Variants in PROM1 observed in about 807,000 individuals in gnomAD.
PROM1 encodes prominin 1.
PROM1 carries 105 observed loss-of-function variants against 116.9 expected under a neutral mutation model. The observed-to-expected ratio is 0.90, with a 90% CI of 0.77 to 1.06. The LOEUF (loss-of-function observed/expected upper bound fraction) is 1.06. Ranked by LOEUF, PROM1 falls within the 50% of genes least tolerant of loss-of-function variation. The probability of loss-of-function intolerance (pLI) is 0.00; values close to 1 mark genes in which losing one functional copy is unlikely to be tolerated. For synonymous variants in PROM1, 393 were observed against 387.0 expected (o/e 1.02, Z -0.18); for missense variants, 1,122 against 1,045.2 (o/e 1.07, Z -1.01).
At chr4:16,016,564 T>C (rs1217098301) in intron 9 of PROM1, among the ~76,000 whole-genome samples, 1 of 152,194 alleles carries the variant, frequency 6.6e-6, no homozygotes, top group Non-Finnish European at 1.5e-5. Context: ...ACAACCTTTT[T>C]AAAGTCACTT....
intron 5 of PROM1, among the ~76,000 whole-genome samples, chr4:16,025,533 G>A (rs1731040710): frequency 6.6e-6 from 1 of 152,216 alleles, no homozygotes; most frequent in Non-Finnish European, 1.5e-5. Flanking sequence ...CTCAGAGGAG[G>A]CAAATTTCCA....
At chr4:16,041,222 T>G (rs1354434357) in intron 2 of PROM1, among the ~76,000 whole-genome samples, 1 of 152,240 alleles carries the variant, frequency 6.6e-6, no homozygotes, top group Non-Finnish European at 1.5e-5. Flanking sequence ...TGATACTCAT[T>G]ATATTCTTTG....
chr4:16,003,240 T>A, intron 13 of PROM1: 5 of 455,706 alleles, frequency 1.1e-5, no homozygotes, highest in Non-Finnish European at 2.2e-5. Context: ...TGGCCACTCT[T>A]CTACAGCTGG....
intron 2 of PROM1, among the ~76,000 whole-genome samples, chr4:16,065,612 G>T (rs1741347192): frequency 6.6e-6 from 1 of 152,200 alleles, no homozygotes; most frequent in African/African-American, 2.4e-5. Flanking sequence ...GTCAGGCTTG[G>T]TGCCCAGTAG....
At chr4:16,033,237 CATAA>C in intron 5 of PROM1, 63 bp downstream of exon 5, 1 of 1,370,644 alleles carries the variant, frequency 7.3e-7, no homozygotes, top group Non-Finnish European at 1.0e-6. Context: ...ATGGTTTAAC[CATAA>C]AAATGTGAGA....
rs1231195879 is a variant in PROM1 at position 16,009,070 on chromosome 4, C to T, written c.1180G>A (p.Asp394Asn). Residue 394 changes from aspartate (D) to asparagine (N), a missense_variant, in exon 12 of 28, where the codon GAC (aspartate) becomes AAC (asparagine). Asp to Asn is a conservative substitution (Grantham distance 23). Coordinates refer to ENST00000447510, the MANE Select transcript of PROM1 (RefSeq NM_006017.3). Reference sequence around the variant, plus strand: ...ATAGGAAGACGCTGAGTTACATTGTCGATATCTGAACCAATGGAATTCAAG... The same window carrying T: ...ATAGGAAGACGCTGAGTTACATTGTTGATATCTGAACCAATGGAATTCAAG... ...RVLNSIGSDI[D>N]NVTQRLPIQD... 7 of 1,612,082 alleles carry T rather than the reference C, an allele frequency of 4.3e-6. No homozygotes were observed. The highest frequency in any genetic ancestry group is 2.2e-5 in the East Asian group (1 of 44,874).
At chr4:15,983,450 A>G (rs576578272) in intron 23 of PROM1, among the ~76,000 whole-genome samples, 1 of 152,274 alleles carries the variant, frequency 6.6e-6, no homozygotes, top group South Asian at 2.1e-4. Context: ...GTTCTCCACC[A>G]TTGTGTTACC....
intron 19 of PROM1, 148 bp downstream of exon 19, chr4:15,989,584 C>T (rs1389588725): frequency 7.1e-6 from 5 of 708,960 alleles, no homozygotes. Context: ...ATTATTTTGT[C>T]TAAAGGCCAG....
chr4:16,008,720 G>A (rs1726126365), intron 12 of PROM1, among the ~76,000 whole-genome samples: 1 of 152,190 alleles, frequency 6.6e-6, no homozygotes, highest in Non-Finnish European at 1.5e-5. Flanking sequence ...TCTGTACACA[G>A]GAGTCATGCG....
intron 1 of PROM1, chr4:16,079,296 A>G (rs1055949989): frequency 6.6e-6 from 1 of 152,244 alleles, no homozygotes; most frequent in Admixed American, 6.5e-5. Context: ...GGAAATTCCC[A>G]GTGAAGTGAA....
At chr4:15,973,735 T>C (rs73801554) in intron 26 of PROM1, among the ~76,000 whole-genome samples, 7,054 of 152,236 alleles carry the variant, frequency 0.046, 464 homozygotes, top group African/African-American at 0.15. Flanking sequence ...TCTGTGGTCT[T>C]TCCACCCGTT....
At chr4:16,073,881 T>TA (rs890452270) in intron 2 of PROM1, among the ~76,000 whole-genome samples, 40 of 148,252 alleles carry the variant, frequency 2.7e-4, no homozygotes, top group Admixed American at 5.4e-4. Flanking sequence ...TTTTCCTTAT[T>TA]AAAAAAAAAA....
intron 26 of PROM1, among the ~76,000 whole-genome samples, chr4:15,975,688 T>C (rs1165183586): frequency 6.6e-6 from 1 of 152,212 alleles, no homozygotes; most frequent in Non-Finnish European, 1.5e-5. Flanking sequence ...CCAATGTCCC[T>C]AGAGTTTCTG....
intron 18 of PROM1, among the ~76,000 whole-genome samples, chr4:15,990,455 A>G (rs995130403): frequency 3.9e-5 from 6 of 152,136 alleles, no homozygotes; most frequent in African/African-American, 1.4e-4. Context: ...ATCACTTACT[A>G]TTGGTAACTC....
At chr4:16,069,811 A>G (rs1742385589) in intron 2 of PROM1, among the ~76,000 whole-genome samples, 1 of 152,270 alleles carries the variant, frequency 6.6e-6, no homozygotes, top group Admixed American at 6.5e-5. Flanking sequence ...TGGAATCAGA[A>G]TACATTCAGA....
chr4:16,030,421 T>G (rs988490922), intron 5 of PROM1, among the ~76,000 whole-genome samples: 1 of 152,104 alleles, frequency 6.6e-6, no homozygotes, highest in Non-Finnish European at 1.5e-5. Flanking sequence ...AATGTTTTAC[T>G]TGGGTGGGGA....
chr4:15,974,941 C>A (rs1331690118), intron 26 of PROM1, among the ~76,000 whole-genome samples: 1 of 152,190 alleles, frequency 6.6e-6, no homozygotes, highest in Non-Finnish European at 1.5e-5. Flanking sequence ...CTCATTTGTA[C>A]AGAAGGTATC....
chr4:15,992,000 G>C (rs1381518071), intron 17 of PROM1, among the ~76,000 whole-genome samples: 1 of 151,562 alleles, frequency 6.6e-6, no homozygotes, highest in East Asian at 1.9e-4. Flanking sequence ...CAAGGGTTTG[G>C]GGAGGAGGAA....
chr4:16,033,568 T>G (rs887800677), intron 4 of PROM1, 59 bp from the exon 5 acceptor site: 6 of 895,820 alleles, frequency 6.7e-6, no homozygotes, highest in Non-Finnish European at 9.9e-6. Flanking sequence ...AGTAGAACAT[T>G]CCATGGTGTA....
Sources: gnomAD v4.1 joint callset for allele counts (sites outside exome capture counted in the v4.1 genomes callset) on GRCh38, gnomAD v4.1.1 for gene constraint, MANE v1.5 for transcripts, NCBI Gene and HGNC (gene_info 2026-07-23, HGNC 2026-07-21) for gene names.